NLGN1: variants seen among roughly 807,000 people sequenced by gnomAD.
NLGN1 encodes the protein neuroligin 1.
NLGN1 carries 12 observed loss-of-function variants against 65.5 expected under a neutral mutation model. That is an observed-to-expected ratio of 0.18 (90% CI 0.12 to 0.30). The LOEUF is 0.30. NLGN1 is among the 10% of genes least tolerant of loss of function. The pLI is 1.00. For missense variants in NLGN1, 750 were observed against 1,007.1 expected (o/e 0.74, Z 3.46); for synonymous variants, 350 against 359.5 (o/e 0.97, Z 0.30).
intron 4 of NLGN1, among the ~76,000 whole-genome samples, chr3:174,261,098 C>T (rs1246742497): frequency 2.6e-5 from 4 of 152,070 alleles, no homozygotes; most frequent in Non-Finnish European, 5.9e-5. Context: ...CCTTGTAGTA[C>T]AGTTTGAAGT....
At chr3:173,850,239 A>G (rs1726634021) in intron 4 of NLGN1, among the ~76,000 whole-genome samples, 2 of 152,104 alleles carry the variant, frequency 1.3e-5, no homozygotes, top group Non-Finnish European at 1.5e-5. Context: ...ATATGTGTGT[A>G]TGTATGTGTG....
intron 4 of NLGN1, among the ~76,000 whole-genome samples, chr3:173,898,013 A>G (rs1158416156): frequency 6.6e-6 from 1 of 152,044 alleles, no homozygotes; most frequent in Non-Finnish European, 1.5e-5. Flanking sequence ...TTATACTTGA[A>G]TTATCATGAT....
chr3:173,609,706 C>T (rs556552964), intron 3 of NLGN1, among the ~76,000 whole-genome samples: 1 of 151,966 alleles, frequency 6.6e-6, no homozygotes, highest in East Asian at 1.9e-4. Context: ...TAAAAGAAGA[C>T]AAAAACCTTT....
intron 4 of NLGN1, among the ~76,000 whole-genome samples, chr3:174,073,279 T>G (rs1740281649): frequency 6.6e-6 from 1 of 152,118 alleles, no homozygotes; most frequent in African/African-American, 2.4e-5. Flanking sequence ...TCGCAAAGTT[T>G]GTGTACAACT....
intron 4 of NLGN1, among the ~76,000 whole-genome samples, chr3:174,166,341 C>T (rs529312096): frequency 6.6e-6 from 1 of 152,088 alleles, no homozygotes; most frequent in South Asian, 2.1e-4. Flanking sequence ...CACTATAAAC[C>T]TTCCTCTTAA....
chr3:173,967,418 G>T (rs903032159), intron 4 of NLGN1, among the ~76,000 whole-genome samples: 4 of 152,134 alleles, frequency 2.6e-5, no homozygotes, highest in African/African-American at 7.2e-5. Flanking sequence ...TGAAATAGAT[G>T]TAGCTAGGTC....
intron 2 of NLGN1, among the ~76,000 whole-genome samples, chr3:173,438,590 T>TA (rs1560252663): frequency 1.3e-5 from 2 of 152,162 alleles, no homozygotes; most frequent in Non-Finnish European, 2.9e-5. Context: ...GAATCACTGA[T>TA]AAAAAGTTTT....
chr3:174,236,582 G>T (rs1354361347), intron 4 of NLGN1, among the ~76,000 whole-genome samples: 1 of 151,868 alleles, frequency 6.6e-6, no homozygotes, highest in Non-Finnish European at 1.5e-5. Context: ...ACTTTTTCTA[G>T]ATTTAATGCT....
At chr3:174,162,712 T>G (rs1336041616) in intron 4 of NLGN1, among the ~76,000 whole-genome samples, 1 of 151,322 alleles carries the variant, frequency 6.6e-6, no homozygotes, top group Non-Finnish European at 1.5e-5. Flanking sequence ...TGAGACAAGT[T>G]TAAAACAGTC....
chr3:173,985,489 T>C (rs1461147059), intron 4 of NLGN1, among the ~76,000 whole-genome samples: 3 of 152,166 alleles, frequency 2.0e-5, no homozygotes, highest in Non-Finnish European at 4.4e-5. Flanking sequence ...CATTTTGGTT[T>C]TGTCTATAGA....
At chr3:173,526,671 C>G (rs1351398244) in intron 2 of NLGN1, among the ~76,000 whole-genome samples, 1 of 152,118 alleles carries the variant, frequency 6.6e-6, no homozygotes, top group Non-Finnish European at 1.5e-5. Flanking sequence ...TTGTCACCCG[C>G]TATGTTAGAA....
At chr3:173,981,571 A>G (rs1718790761) in intron 4 of NLGN1, among the ~76,000 whole-genome samples, 1 of 152,102 alleles carries the variant, frequency 6.6e-6, no homozygotes, top group Non-Finnish European at 1.5e-5. Flanking sequence ...GTTTAATAGC[A>G]TTGGCTGAAT....
At chr3:173,794,776 A>C (rs1472749929) in intron 3 of NLGN1, among the ~76,000 whole-genome samples, 1 of 152,126 alleles carries the variant, frequency 6.6e-6, no homozygotes, top group African/African-American at 2.4e-5. Context: ...TATCTACTTA[A>C]ATTCTTTCTT....
intron 4 of NLGN1, among the ~76,000 whole-genome samples, chr3:173,827,614 A>G (rs908620695): frequency 3.4e-5 from 5 of 145,052 alleles, no homozygotes; most frequent in Non-Finnish European, 7.6e-5. Flanking sequence ...ATGAGGGATC[A>G]TATATATTTA....
At chr3:173,642,920 C>T (rs1757641419) in intron 3 of NLGN1, among the ~76,000 whole-genome samples, 1 of 151,914 alleles carries the variant, frequency 6.6e-6, no homozygotes, top group Non-Finnish European at 1.5e-5. Context: ...AATTAGCAGA[C>T]AAGACATTAA....
chr3:173,815,551 G>T (rs940697013), intron 4 of NLGN1, among the ~76,000 whole-genome samples: 1 of 151,900 alleles, frequency 6.6e-6, no homozygotes, highest in Non-Finnish European at 1.5e-5. Context: ...TTTTTGGCCT[G>T]CTTGTTTCGT....
chr3:174,258,682 G>C (rs1746256422), intron 4 of NLGN1, among the ~76,000 whole-genome samples: 1 of 152,046 alleles, frequency 6.6e-6, no homozygotes, highest in African/African-American at 2.4e-5. Context: ...AGAAACATCA[G>C]ATAAACCCTA....
intron 3 of NLGN1, among the ~76,000 whole-genome samples, chr3:173,657,252 C>T (rs1308491110): frequency 3.3e-5 from 5 of 151,908 alleles, no homozygotes; most frequent in Non-Finnish European, 5.9e-5. Flanking sequence ...ATTTCAAGCT[C>T]CTTCTATCTT....
intron 4 of NLGN1, among the ~76,000 whole-genome samples, chr3:173,936,785 G>A (rs558944642): frequency 3.3e-5 from 5 of 152,104 alleles, no homozygotes; most frequent in Non-Finnish European, 7.4e-5. Context: ...CCTGAAAATT[G>A]GTGCTTTTGC....
Sources: gnomAD v4.1 joint callset for allele counts (sites outside exome capture counted in the v4.1 genomes callset) on GRCh38, gnomAD v4.1.1 for gene constraint, MANE v1.5 for transcripts, NCBI Gene and HGNC (gene_info 2026-07-23, HGNC 2026-07-21) for gene names.